IL1RAPL1: variants seen among roughly 807,000 people sequenced by gnomAD.
The protein encoded by IL1RAPL1 is interleukin 1 receptor accessory protein like 1.
IL1RAPL1 carries 3 observed loss-of-function variants against 48.4 expected under a neutral mutation model. The ratio of observed to expected loss-of-function variants is 0.06; its 90% CI spans 0.03 to 0.16. The LOEUF (loss-of-function observed/expected upper bound fraction) is 0.16. IL1RAPL1 is among the 10% of genes least tolerant of loss of function. The pLI is 1.00. For synonymous variants in IL1RAPL1, 185 were observed against 187.7 expected (o/e 0.99, Z 0.12); for missense variants, 349 against 530.6 (o/e 0.66, Z 3.36).
intron 6 of IL1RAPL1, among the ~76,000 whole-genome samples, chrX:29,783,991 A>G (rs1389975009): frequency 8.9e-6 from 1 of 111,794 alleles, no homozygotes; most frequent in African/African-American, 3.2e-5. Flanking sequence ...AACTACATAG[A>G]GTAACCATTT....
At chrX:29,627,885 A>C (rs1295774211) in intron 5 of IL1RAPL1, among the ~76,000 whole-genome samples, 1 of 112,268 alleles carries the variant, frequency 8.9e-6, no homozygotes, top group Non-Finnish European at 1.9e-5. Flanking sequence ...GTAACATTGC[A>C]GTCATATTCT....
intron 2 of IL1RAPL1, among the ~76,000 whole-genome samples, chrX:28,975,765 G>C (rs1925189628): frequency 8.9e-6 from 1 of 112,233 alleles, no homozygotes; most frequent in African/African-American, 3.2e-5. Flanking sequence ...AAATGTTTTA[G>C]AGAAAGATAA....
At chrX:28,793,759 G>A (rs2147267780) in intron 2 of IL1RAPL1, among the ~76,000 whole-genome samples, 1 of 111,144 alleles carries the variant, frequency 9.0e-6, no homozygotes, top group East Asian at 2.8e-4. Context: ...AAAAGTTTGG[G>A]ATACTGAAGA....
At chrX:29,723,064 A>T (rs930329596) in intron 6 of IL1RAPL1, among the ~76,000 whole-genome samples, 2 of 112,064 alleles carry the variant, frequency 1.8e-5, no homozygotes, top group Non-Finnish European at 3.8e-5. Flanking sequence ...CTATAGCTTT[A>T]TGTATACAGT....
intron 1 of IL1RAPL1, among the ~76,000 whole-genome samples, chrX:28,592,247 T>C (rs1200376439): frequency 8.9e-6 from 1 of 111,902 alleles, no homozygotes; most frequent in Non-Finnish European, 1.9e-5. Flanking sequence ...TTTCTGCAGA[T>C]TGCTTTTTAA....
chrX:28,727,954 AG>A (rs1230920423), intron 1 of IL1RAPL1, among the ~76,000 whole-genome samples: 2 of 110,230 alleles, frequency 1.8e-5, no homozygotes, highest in African/African-American at 6.6e-5. Context: ...TAGCATTGGG[AG>A]ATATACCTAA....
At chrX:29,448,365 A>G (rs1306311489) in intron 5 of IL1RAPL1, among the ~76,000 whole-genome samples, 1 of 111,965 alleles carries the variant, frequency 8.9e-6, no homozygotes, top group Non-Finnish European at 1.9e-5. Context: ...TTCCTAGGCA[A>G]ACATATTTCT....
chrX:28,996,062 C>T (rs1489240980), intron 2 of IL1RAPL1, among the ~76,000 whole-genome samples: 5 of 111,551 alleles, frequency 4.5e-5, no homozygotes, highest in African/African-American at 6.5e-5. Context: ...TTTCATCATT[C>T]CAAAAAGAAA....
intron 6 of IL1RAPL1, among the ~76,000 whole-genome samples, chrX:29,708,883 A>G (rs769283640): frequency 1.0e-3 from 117 of 112,203 alleles, no homozygotes; most frequent in African/African-American, 3.7e-3. Flanking sequence ...AACACTTGTT[A>G]TCATTCCTCT....
At chrX:29,836,188 CT>C (rs201175211) in intron 6 of IL1RAPL1, among the ~76,000 whole-genome samples, 1,735 of 89,029 alleles carry the variant, frequency 0.019, 31 homozygotes, top group African/African-American at 0.074. Flanking sequence ...TTTCATTTTT[CT>C]TTTTTTTTTT....
At chrX:28,623,574 C>G (rs754787803) in intron 1 of IL1RAPL1, among the ~76,000 whole-genome samples, 16 of 111,652 alleles carry the variant, frequency 1.4e-4, no homozygotes, top group Admixed American at 7.6e-4. Context: ...GCATACGTGG[C>G]ACTGTGCTGG....
At chrX:28,710,032 G>A (rs546167228) in intron 1 of IL1RAPL1, among the ~76,000 whole-genome samples, 1 of 111,612 alleles carries the variant, frequency 9.0e-6, no homozygotes, top group African/African-American at 3.3e-5. Context: ...AGAGATGCTT[G>A]TAATTTATTG....
chrX:29,434,585 A>G (rs975979606), intron 5 of IL1RAPL1, among the ~76,000 whole-genome samples: 1 of 110,932 alleles, frequency 9.0e-6, no homozygotes, highest in Admixed American at 9.6e-5. Flanking sequence ...GATACATCTT[A>G]ATACTTTGCA....
At chrX:29,784,443 C>T (rs1214038628) in intron 6 of IL1RAPL1, among the ~76,000 whole-genome samples, 1 of 111,542 alleles carries the variant, frequency 9.0e-6, no homozygotes, top group Non-Finnish European at 1.9e-5. Context: ...ATTGCCTTGG[C>T]TATTCATACA....
chrX:29,011,092 A>G (rs896497132), intron 2 of IL1RAPL1, among the ~76,000 whole-genome samples: 21 of 111,993 alleles, frequency 1.9e-4, no homozygotes, highest in African/African-American at 6.8e-4. Flanking sequence ...ACCTCACCAT[A>G]TATCGTATAT....
In IL1RAPL1 at chrX:29,041,321, A is replaced by G. The variant is rs185876216; in HGVS notation, c.83-241617A>G. ...ATTTACTCTCAACTTTATTGCTGCT[A>G]TCTGGTACTCTTTGTCTGCATGTAG... On this transcript the variant is annotated intron_variant, in intron 2 of 10. Coordinates refer to ENST00000378993, the MANE Select transcript of IL1RAPL1 (RefSeq NM_014271.4). Among the ~76,000 whole-genome samples the G allele has an allele frequency of 3.8e-3, 429 of 111,714 alleles. 1 individual carries two copies. The highest frequency in any genetic ancestry group is 9.3e-3 in the Middle Eastern group (2 of 216).
In IL1RAPL1 at chrX:29,955,738, A is replaced by C. The variant is rs201025539; in HGVS notation, c.2009A>C (p.Gln670Pro). The change falls in exon 11 of 11, where the codon CAG becomes CCG. Residue 670 changes from glutamine to proline, a missense_variant. Physicochemically the swap from Gln to Pro is moderately conservative, Grantham distance 76 (BLOSUM62 -1). Transcript: ENST00000378993. The part of the protein sequence containing the change: ...QRPQTKSSRE[Q>P]NPDEAHTNSA... ...CCACAGACAAAATCGAGCAGGGAGC[A>C]GAATCCAGATGAGGCCCACACAAAC... is the stretch of plus-strand genomic sequence containing the variant. 1.6e-5 allele frequency: 19 copies of C among 1,209,688 alleles called. No individual in the cohort carries two copies. Among genetic ancestry groups the C allele is most frequent in the Non-Finnish European group, 1.8e-5 (16 of 895,186 alleles).
intron 6 of IL1RAPL1, among the ~76,000 whole-genome samples, chrX:29,717,394 A>G (rs1395304400): frequency 8.9e-6 from 1 of 112,243 alleles, no homozygotes; most frequent in East Asian, 2.8e-4. Context: ...ACCTCATGGC[A>G]AGGCCAGTGA....
intron 6 of IL1RAPL1, among the ~76,000 whole-genome samples, chrX:29,741,951 A>AAAAAAAAAAAAAAC (rs1928217369): frequency 9.3e-6 from 1 of 107,870 alleles, no homozygotes; most frequent in Non-Finnish European, 1.9e-5. Flanking sequence ...AAAAAAAAAA[A>AAAAAAAAAAAAAAC]AAAAGAAAAG....
Sources: allele counts gnomAD v4.1 joint callset (sites outside exome capture counted in the v4.1 genomes callset), GRCh38; gene constraint gnomAD v4.1.1; transcripts MANE v1.5; gene names NCBI Gene and HGNC (gene_info 2026-07-23, HGNC 2026-07-21).